DCHS2: variants seen among roughly 807,000 people sequenced by gnomAD.
DCHS2 encodes dachsous cadherin-related 2.
In DCHS2, 142 loss-of-function variants were observed where a neutral mutation model predicts 182.4. That is an observed-to-expected ratio of 0.78 (90% CI 0.68 to 0.89). The LOEUF (loss-of-function observed/expected upper bound fraction) is 0.89, where lower values mean the gene tolerates loss of function less well. Ranked by LOEUF, DCHS2 falls within the 40% of genes least tolerant of loss-of-function variation. DCHS2 has a pLI of 0.00. For synonymous variants in DCHS2, 1,740 were observed against 1,663.3 expected (o/e 1.05, Z -1.12); for missense variants, 4,319 against 4,198.6 (o/e 1.03, Z -0.79).
In DCHS2 at chr4:154,321,024, C is replaced by A. The variant is rs193920995; in HGVS notation, c.4375G>T (p.Gly1459Ter). 2.5e-6 allele frequency: 4 copies of A among 1,613,688 alleles called. No individual in the cohort carries two copies. The South Asian group carries it at 3.3e-5, about 13-fold the overall frequency. ...AGTTCCTTAGAAAGAAACAAGTCTC[C>A]GGTTGAGCTGTCTATTTCAAAGTGT... ...DGHFEIDSST[G>*]DLFLSKELDY... The change falls in exon 9 of 20, where the codon GGA (glycine) becomes TGA (stop). Residue 1459 changes from glycine (G) to a stop codon, truncating the protein, a stop_gained. Coordinates refer to ENST00000357232, the MANE Select transcript of DCHS2 (RefSeq NM_001358235.2). LOFTEE classifies it high-confidence loss of function.
chr4:154,251,680 G>T (rs996192763), intron 16 of DCHS2, among the ~76,000 whole-genome samples: 1 of 152,022 alleles, frequency 6.6e-6, no homozygotes, highest in Non-Finnish European at 1.5e-5. Flanking sequence ...CACCATGCCT[G>T]GCTAATTTTT....
chr4:154,415,013 A>G (rs1732777946), intron 1 of DCHS2, among the ~76,000 whole-genome samples: 1 of 152,202 alleles, frequency 6.6e-6, no homozygotes, highest in Non-Finnish European at 1.5e-5. Context: ...TGGGTATGGC[A>G]AAAGGTTCAC....
chr4:154,358,017 A>C (rs1729952869), intron 3 of DCHS2, among the ~76,000 whole-genome samples: 1 of 152,128 alleles, frequency 6.6e-6, no homozygotes, highest in Non-Finnish European at 1.5e-5. Flanking sequence ...AGGTGCTGGT[A>C]CCCCATTCTG....
chr4:154,397,619 C>A (rs986790643), intron 1 of DCHS2, among the ~76,000 whole-genome samples: 4 of 152,176 alleles, frequency 2.6e-5, no homozygotes, highest in South Asian at 2.1e-4. Context: ...TAGTGGGTAC[C>A]TTTTCCCTAC....
chr4:154,456,655 G>A (rs6536010), intron 1 of DCHS2, among the ~76,000 whole-genome samples: 134,053 of 152,190 alleles, frequency 0.88, 61,247 homozygotes, highest in East Asian at 1. Flanking sequence ...AAGTCATGGT[G>A]TACTGGAAGG....
chr4:154,258,184 G>C (rs984126667), intron 15 of DCHS2, among the ~76,000 whole-genome samples: 1 of 152,124 alleles, frequency 6.6e-6, no homozygotes, highest in Admixed American at 6.5e-5. Flanking sequence ...CTGGTGACTA[G>C]AGCAATCAGG....
In DCHS2 at chr4:154,298,366, T is replaced by C; in HGVS notation, c.5948A>G (p.Asp1983Gly). The change falls in exon 13 of 20, where the codon GAT becomes GGT. Residue 1983 changes from aspartate to glycine, a missense_variant. Physicochemically the swap from Asp to Gly is moderately conservative, Grantham distance 94. Coordinates refer to ENST00000357232, the MANE Select transcript of DCHS2 (RefSeq NM_001358235.2). ...TDEASGAFTI[D>G]PMSGTLKTSN... ...GGTTTTCAATGTGCCTGACATAGGATCAATGGTGAATGCACCAGAAGCCTC... is the reference window on the plus strand; with the variant it reads ...GGTTTTCAATGTGCCTGACATAGGACCAATGGTGAATGCACCAGAAGCCTC... 1.2e-6 allele frequency: 2 copies of C among 1,614,138 alleles called. No homozygotes were observed. The highest frequency in any genetic ancestry group is 1.7e-6 in the Non-Finnish European group (2 of 1,180,020).
chr4:154,271,957 C>T (rs1022580552), intron 13 of DCHS2, among the ~76,000 whole-genome samples: 2 of 152,034 alleles, frequency 1.3e-5, no homozygotes, highest in Admixed American at 6.6e-5. Flanking sequence ...ACTTTTGGCC[C>T]CAGTAAATCA....
At chr4:154,442,646 A>G (rs559440119) in intron 1 of DCHS2, among the ~76,000 whole-genome samples, 2 of 147,952 alleles carry the variant, frequency 1.4e-5, no homozygotes, top group South Asian at 4.3e-4. Flanking sequence ...GCTGGAAGAG[A>G]GGTGTATATC....
chr4:154,261,139 G>A (rs1408020100), intron 14 of DCHS2, among the ~76,000 whole-genome samples: 2 of 152,132 alleles, frequency 1.3e-5, no homozygotes, highest in Non-Finnish European at 2.9e-5. Flanking sequence ...GCATAAATCC[G>A]AGGCCTAGAA....
At position 154,392,102 on chromosome 4, in the gene DCHS2, C is replaced by T. The variant is rs181524481; in HGVS notation, c.2053-14658G>A. ...TTACTTTATATACACCAAAAGCTTC[C>T]ACGTGGTATGATTGTTAAGGGCCAG... On this transcript the variant is annotated intron_variant, in intron 1 of 19. Coordinates refer to ENST00000357232, the MANE Select transcript of DCHS2 (RefSeq NM_001358235.2). Among the ~76,000 whole-genome samples the T allele has an allele frequency of 2.9e-4, 44 of 152,208 alleles. No individual in the cohort carries two copies. In the East Asian group the frequency reaches 8.5e-3, roughly 29 times the overall value.
At chr4:154,328,020 C>A (rs933217066) in intron 7 of DCHS2, 73 bp downstream of exon 7, 28 of 1,082,414 alleles carry the variant, frequency 2.6e-5, no homozygotes, top group Non-Finnish European at 3.6e-5. Flanking sequence ...CTTCTTTTCC[C>A]AGAAGGGGAT....
At chr4:154,477,546 A>T (rs1735737921) in intron 1 of DCHS2, among the ~76,000 whole-genome samples, 1 of 152,236 alleles carries the variant, frequency 6.6e-6, no homozygotes, top group African/African-American at 2.4e-5. Flanking sequence ...TCTTACAAGC[A>T]GTGCAAAGCC....
At chr4:154,384,536 G>C in intron 1 of DCHS2, 1 of 1,543,902 alleles carries the variant, frequency 6.5e-7, no homozygotes, top group South Asian at 1.2e-5. Context: ...CAGAACCTAT[G>C]ACTATTCTCT....
In DCHS2 at chr4:154,298,556, G is replaced by T. The variant is rs1735062390; in HGVS notation, c.5758C>A (p.Gln1920Lys). ...DPPRSSVIHL[Q>K]VRVLDANDHS... ...TCATTGGCATCCAAAACTCTAACTT[G>T]CAGGTGTATTACAGAGCTCCTAGGT... The change falls in exon 13 of 20, where the codon CAA becomes AAA. Residue 1920 changes from glutamine to lysine, a missense_variant. Coordinates refer to ENST00000357232, the MANE Select transcript of DCHS2 (RefSeq NM_001358235.2). The T allele has an allele frequency of 1.2e-6, 2 of 1,614,028 alleles. No individual in the cohort carries two copies.
intron 1 of DCHS2, among the ~76,000 whole-genome samples, chr4:154,455,660 G>A (rs546650717): frequency 6.0e-4 from 91 of 152,300 alleles, no homozygotes; most frequent in African/African-American, 2.0e-3. Flanking sequence ...ACTGTACTAC[G>A]CAGCTTCTTT....
chr4:154,354,794 C>T (rs374815786), intron 3 of DCHS2: 2 of 152,198 alleles, frequency 1.3e-5, no homozygotes, highest in African/African-American at 4.8e-5. Context: ...AGTCCATACT[C>T]TCTACGTCAG....
chr4:154,453,120 G>A (rs1338171246), intron 1 of DCHS2, among the ~76,000 whole-genome samples: 10 of 152,002 alleles, frequency 6.6e-5, no homozygotes, highest in Admixed American at 2.6e-4. Context: ...AGACCATCCC[G>A]TGCATGCAGG....
At position 154,332,960 on chromosome 4, in the gene DCHS2, G is replaced by A. The variant is rs1412784982; in HGVS notation, c.3248C>T (p.Thr1083Ile). The A allele has an allele frequency of 6.2e-7, 1 of 1,614,222 alleles. No homozygotes were observed. Among genetic ancestry groups the A allele is most frequent in the Admixed American group, 1.7e-5 (1 of 60,028 alleles). ...CACTTGATAGACCAAATGTTCGAAA[G>A]TCCAGGATGGGCTGTGTTCGCGTTT... ...IEKREHSPSWTFEHLVYQVEV... is the reference protein window; with the variant it reads ...IEKREHSPSWIFEHLVYQVEV... The change falls in exon 5 of 20, where the codon ACT becomes ATT. Residue 1083 changes from threonine (T) to isoleucine (I), a missense_variant. Transcript: ENST00000357232.
Sources: gnomAD v4.1 joint callset for allele counts (sites outside exome capture counted in the v4.1 genomes callset) on GRCh38, gnomAD v4.1.1 for gene constraint, MANE v1.5 for transcripts, NCBI Gene and HGNC (gene_info 2026-07-23, HGNC 2026-07-21) for gene names.